Variants in ZNF226 observed in about 807,000 individuals in gnomAD.
ZNF226 encodes Kruppel-associated box protein.
In ZNF226, 6 loss-of-function variants were observed where a neutral mutation model predicts 11.4. That is an observed-to-expected ratio of 0.53 (90% CI 0.29 to 1.04). The LOEUF is 1.04. Among genes scored for constraint, ZNF226 ranks in the 50% least tolerant of loss-of-function variants. ZNF226 has a pLI of 0.08. For synonymous variants in ZNF226, 350 were observed against 322.8 expected (o/e 1.08, Z -0.90); for missense variants, 1,058 against 956.5 (o/e 1.11, Z -1.40).
chr19:44,187,265 G>A, the ZNF226 span, among the ~76,000 whole-genome samples: 2 of 151,892 alleles, frequency 1.3e-5, no homozygotes, highest in African/African-American at 4.8e-5. This position sits in a 1 kb window ranked among gnomAD's most constrained non-coding sequence, Gnocchi z 4.0. Flanking sequence ...TTTCTTAGGA[G>A]GCTTTTGATG....
intron 5 of ZNF226, chr19:44,173,808 T>A (rs1970396408): frequency 6.6e-6 from 1 of 152,180 alleles, no homozygotes; most frequent in African/African-American, 2.4e-5. Context: ...AAATACATTC[T>A]CTCCATTTAC....
Position 44,175,024 on chromosome 19 carries a change from T to G in ZNF226, c.236-474T>G, listed in dbSNP as rs758540555. 10 of 1,611,788 alleles carry G rather than the reference T, an allele frequency of 6.2e-6. No homozygotes were observed. In the African/African-American group the frequency reaches 1.1e-4, roughly 17 times the overall value. ...AAGCTCTTTTGCTCTATGACCTGGC[T>G]CAAACTTAAACTTGGATTTGAAGTT... On this transcript the variant is annotated intron_variant, in intron 5 of 5. Transcript: ENST00000337433.
Position 44,176,979 on chromosome 19 carries a change from C to G in ZNF226, c.1717C>G (p.Arg573Gly). ...ECGQGFNQSS[R>G]LQIHQLIHTG... ...TGGGCAGGGTTTCAATCAGAGCTCA[C>G]GACTTCAGATTCACCAGCTGATCCA... is the stretch of plus-strand genomic sequence containing the variant. The change falls in exon 6 of 6, where the codon CGA becomes GGA. Residue 573 changes from arginine (R) to glycine (G), a missense_variant. Physicochemically the swap from Arg to Gly is moderately radical, Grantham distance 125. Transcript: ENST00000337433. 1 of 1,613,722 alleles carries G rather than the reference C, an allele frequency of 6.2e-7. No individual in the cohort carries two copies. The highest frequency in any genetic ancestry group is 8.5e-7 in the Non-Finnish European group (1 of 1,179,834).
intron 2 of ZNF226, chr19:44,169,674 C>T (rs929489857): frequency 6.1e-6 from 1 of 164,288 alleles, no homozygotes; most frequent in African/African-American, 2.4e-5. Context: ...AGAAGTAAGG[C>T]AAAGAGATGT....
the ZNF226 span, among the ~76,000 whole-genome samples, chr19:44,196,694 GACC>G: frequency 6.6e-6 from 1 of 152,136 alleles, no homozygotes; most frequent in Non-Finnish European, 1.5e-5. Context: ...CATTTCTTGT[GACC>G]AGGGCAGTCA....
Position 44,176,000 on chromosome 19 carries a change from C to G in ZNF226, c.738C>G (p.His246Gln), listed in dbSNP as rs752597914. The G allele has an allele frequency of 3.7e-6, 6 of 1,613,794 alleles. No individual in the cohort carries two copies. The highest frequency in any genetic ancestry group is 5.1e-6 in the Non-Finnish European group (6 of 1,179,890). ...ILTFDHNSMI[H>Q]TGQKSYQCNE... ...CATTTGATCACAATAGCATGATTCA[C>G]ACAGGACAGAAATCGTACCAGTGTA... The change falls in exon 6 of 6, where the codon CAC (histidine) becomes CAG (glutamine). Residue 246 changes from histidine (H) to glutamine (Q), a missense_variant. Physicochemically the swap from His to Gln is conservative, Grantham distance 24. Transcript: ENST00000337433.
At chr19:44,190,428 G>A in the ZNF226 span, among the ~76,000 whole-genome samples, 1 of 152,006 alleles carries the variant, frequency 6.6e-6, no homozygotes, top group East Asian at 1.9e-4. Flanking sequence ...CCGCCTCCCG[G>A]GTTCCTGCCA....
intron 2 of ZNF226, among the ~76,000 whole-genome samples, chr19:44,166,039 G>A (rs571333590): frequency 6.6e-6 from 1 of 152,320 alleles, no homozygotes; most frequent in African/African-American, 2.4e-5. Context: ...TAGCCACCTA[G>A]CTAGTAGGAG....
chr19:44,192,531 C>T, the ZNF226 span, among the ~76,000 whole-genome samples: 1 of 146,932 alleles, frequency 6.8e-6, no homozygotes, highest in African/African-American at 2.7e-5. Context: ...TTTCAAAGCA[C>T]CTAAGTAATC....
downstream of ZNF226, among the ~76,000 whole-genome samples, chr19:44,181,759 C>T (rs1970909743): frequency 6.6e-6 from 1 of 152,124 alleles, no homozygotes; most frequent in African/African-American, 2.4e-5. Flanking sequence ...AGTCAGTCTC[C>T]CTTGCCTGAA....
downstream of ZNF226, among the ~76,000 whole-genome samples, chr19:44,180,819 C>G (rs1970896020): frequency 6.6e-6 from 1 of 152,180 alleles, no homozygotes; most frequent in Admixed American, 6.5e-5. Context: ...CTTAGACCTG[C>G]TTCTGTCAGG....
chr19:44,167,579 CAA>C (rs1487512754), intron 2 of ZNF226, among the ~76,000 whole-genome samples: 2 of 152,082 alleles, frequency 1.3e-5, no homozygotes, highest in African/African-American at 4.8e-5. Context: ...CTCGGCCTCC[CAA>C]AGTGTTGGGA....
chr19:44,179,429 T>C (rs1484822113), downstream of ZNF226, among the ~76,000 whole-genome samples: 3 of 152,196 alleles, frequency 2.0e-5, no homozygotes, highest in Non-Finnish European at 4.4e-5. Context: ...TTAAGAAATC[T>C]TGTGTCATCA....
In ZNF226 at chr19:44,170,037, C is replaced by T; in HGVS notation, c.-44C>T. 6.3e-7 allele frequency: 1 copy of T among 1,581,292 alleles called. No homozygotes were observed. Among genetic ancestry groups the T allele is most frequent in the Non-Finnish European group, 8.6e-7 (1 of 1,162,600 alleles). ...TTTATTTCTCTCTTCTTTCCTAGTT[C>T]AGCTTCTTAGGACTCTGCACTTCCC... On this transcript the variant is annotated splice_region_variant and 5_prime_UTR_variant, in exon 3 of 6. Transcript: ENST00000337433.
chr19:44,174,404 AAAAGT>A (rs1372026577), intron 5 of ZNF226: 4 of 152,266 alleles, frequency 2.6e-5, no homozygotes, highest in Non-Finnish European at 5.9e-5. Context: ...TCAGGAAAGA[AAAAGT>A]AAAACTAAAA....
the ZNF226 span, among the ~76,000 whole-genome samples, chr19:44,197,085 C>G: frequency 6.6e-6 from 1 of 151,932 alleles, no homozygotes; most frequent in South Asian, 2.1e-4. Flanking sequence ...CTGTTTTGCC[C>G]AACATTATGT....
chr19:44,178,468 T>G (rs1291835415), downstream of ZNF226: 1 of 152,348 alleles, frequency 6.6e-6, no homozygotes, highest in East Asian at 1.9e-4. Context: ...GATTGCCTTC[T>G]AAGGGCTTTA....
At chr19:44,174,167 T>TTGCCTGTC (rs1432189286) in intron 5 of ZNF226, 2 of 150,094 alleles carry the variant, frequency 1.3e-5, no homozygotes. Flanking sequence ...GTGTGTGTGT[T>TTGCCTGTC]TGCATGTGTT....
At chr19:44,194,856 T>C in the ZNF226 span, among the ~76,000 whole-genome samples, 3 of 152,216 alleles carry the variant, frequency 2.0e-5, no homozygotes, top group Non-Finnish European at 4.4e-5. Context: ...AGTAATATAC[T>C]GTGCCATTTA....
Sources: allele counts gnomAD v4.1 joint callset (sites outside exome capture counted in the v4.1 genomes callset), GRCh38; gene constraint gnomAD v4.1.1; non-coding constraint Gnocchi (gnomAD v3.1); transcripts MANE v1.5; gene names NCBI Gene and HGNC (gene_info 2026-07-23, HGNC 2026-07-21).